The following PRKG1 variants were observed in gnomAD, a reference collection of about 807,000 sequenced individuals.
The protein encoded by PRKG1 is protein kinase cGMP-dependent 1, also known as cGMP-dependent protein kinase 1.
In PRKG1, 35 loss-of-function variants were observed where a neutral mutation model predicts 88.1. The ratio of observed to expected loss-of-function variants is 0.40; its 90% CI spans 0.30 to 0.53. The LOEUF (loss-of-function observed/expected upper bound fraction) is 0.53, where lower values mean the gene tolerates loss of function less well. Among genes scored for constraint, PRKG1 ranks in the 20% least tolerant of loss-of-function variants. The pLI is 0.59. For missense variants in PRKG1, 540 were observed against 839.8 expected (o/e 0.64, Z 4.41); for synonymous variants, 303 against 292.5 (o/e 1.04, Z -0.37).
chr10:51,698,505 C>T (rs1841369223), intron 3 of PRKG1: 1 of 1,614,144 alleles, frequency 6.2e-7, no homozygotes, highest in Non-Finnish European at 8.5e-7. Context: ...CTGGGCTCCA[C>T]TTCTCCAGTG....
intron 3 of PRKG1, among the ~76,000 whole-genome samples, chr10:51,579,270 C>CCACACCTGGCTGATTTTACT (rs1837970842): frequency 6.6e-6 from 1 of 150,612 alleles, no homozygotes; most frequent in Non-Finnish European, 1.5e-5. Flanking sequence ...GTGTGAGCCA[C>CCACACCTGGCTGATTTTACT]CACACCTGGC....
intron 9 of PRKG1, among the ~76,000 whole-genome samples, chr10:52,222,872 A>G (rs999248558): frequency 6.6e-6 from 1 of 152,176 alleles, no homozygotes; most frequent in African/African-American, 2.4e-5. Context: ...CCTTACCTTT[A>G]TATCATCCCA....
intron 4 of PRKG1, among the ~76,000 whole-genome samples, chr10:51,858,565 A>G (rs1377498490): frequency 6.7e-6 from 1 of 148,768 alleles, no homozygotes; most frequent in Non-Finnish European, 1.5e-5. Context: ...ATTCTAAAAA[A>G]AAAACCCTAT....
intron 2 of PRKG1, among the ~76,000 whole-genome samples, chr10:51,158,959 A>G (rs189781358): frequency 1.7e-3 from 265 of 152,176 alleles, no homozygotes; most frequent in Admixed American, 2.1e-3. Flanking sequence ...TTGTTATTGA[A>G]CTGAGACTTC....
chr10:51,097,086 T>C (rs75476508), intron 1 of PRKG1, among the ~76,000 whole-genome samples: 1 of 152,298 alleles, frequency 6.6e-6, no homozygotes, highest in East Asian at 1.9e-4. Flanking sequence ...AGCAGTCTGT[T>C]CCCTGGTATC....
chr10:52,087,941 G>A (rs1444268804), intron 7 of PRKG1, among the ~76,000 whole-genome samples: 1 of 152,138 alleles, frequency 6.6e-6, no homozygotes, highest in African/African-American at 2.4e-5. Flanking sequence ...AAAATTTCTT[G>A]AAACACTGAG....
intron 2 of PRKG1, among the ~76,000 whole-genome samples, chr10:51,176,975 AT>A (rs112002018): frequency 0.066 from 10,034 of 152,208 alleles, 694 homozygotes; most frequent in African/African-American, 0.17. Flanking sequence ...CAAATAAGTC[AT>A]TTTTTTAAGA....
chr10:51,371,312 A>G (rs897390440), intron 2 of PRKG1, among the ~76,000 whole-genome samples: 1 of 151,840 alleles, frequency 6.6e-6, no homozygotes, highest in African/African-American at 2.4e-5. Context: ...TGATCGGGGG[A>G]GGATTGCTTG....
Position 51,013,686 on chromosome 10 carries a change from G to A in PRKG1, c.266+22042G>A, listed in dbSNP as rs113073135. Among the ~76,000 whole-genome samples, 10 of 152,158 alleles carry A rather than the reference G, an allele frequency of 6.6e-5. No individual in the cohort carries two copies. In the East Asian group the frequency reaches 1.2e-3, roughly 18 times the overall value. On this transcript the variant is annotated intron_variant, in intron 1 of 17. Transcript: ENST00000401604. The stretch of plus-strand genomic sequence containing the variant: ...ATTACAGGTGTGAGCCACTGCGCCC[G>A]GCCCTGTAACACTTTTAAAAAAGAA...
At chr10:51,602,746 G>A (rs1199646196) in intron 3 of PRKG1, among the ~76,000 whole-genome samples, 1,181 of 106,426 alleles carry the variant, frequency 0.011, 35 homozygotes, top group African/African-American at 0.036. Context: ...GTGTGTGTGT[G>A]TGTGTGTGTG....
At chr10:51,125,372 A>T (rs551326173) in intron 1 of PRKG1, among the ~76,000 whole-genome samples, 1 of 150,874 alleles carries the variant, frequency 6.6e-6, no homozygotes, top group Admixed American at 6.6e-5. Flanking sequence ...AAAAAATTAT[A>T]AAGTATAAAT....
At chr10:51,400,661 G>C (rs1837712909) in intron 2 of PRKG1, among the ~76,000 whole-genome samples, 1 of 152,164 alleles carries the variant, frequency 6.6e-6, no homozygotes, top group Non-Finnish European at 1.5e-5. Flanking sequence ...GTGGAAGTGA[G>C]TGCGTTTCTG....
chr10:51,209,749 G>A (rs1375995563), intron 2 of PRKG1, among the ~76,000 whole-genome samples: 1 of 152,064 alleles, frequency 6.6e-6, no homozygotes, highest in Non-Finnish European at 1.5e-5. Flanking sequence ...AAAATTTGGG[G>A]CTAGTGCTAT....
At chr10:52,162,889 C>G (rs559878598) in intron 9 of PRKG1, among the ~76,000 whole-genome samples, 2 of 152,220 alleles carry the variant, frequency 1.3e-5, no homozygotes, top group Admixed American at 1.3e-4. Flanking sequence ...CCTGCAATGC[C>G]TCTGCTAAGG....
Position 52,054,531 on chromosome 10 carries a change from G to A in PRKG1, c.810G>A (p.Gly270=), listed in dbSNP as rs151055252. The part of the protein sequence containing the change: ...GEYIIRQGAR[G]DTFFIISKGT... The stretch of plus-strand genomic sequence containing the variant: ...ATATTATCAGGCAAGGTGCAAGAGG[G>A]GACACCTTCTTTATCATCAGCAAAG... The change falls in exon 6 of 18, where the codon GGG becomes GGA. Residue 270 remains glycine (G), a synonymous_variant. Transcript: ENST00000373980. 6.2e-7 allele frequency: 1 copy of A among 1,613,824 alleles called. No individual in the cohort carries two copies. Among genetic ancestry groups the A allele is most frequent in the Non-Finnish European group, 8.5e-7 (1 of 1,179,882 alleles).
At position 52,233,573 on chromosome 10, in the gene PRKG1, G is replaced by T. The variant is rs1411186876; in HGVS notation, c.1077-17997G>T. Among the ~76,000 whole-genome samples, 194 of 147,872 alleles carry T rather than the reference G, an allele frequency of 1.3e-3. 1 individual carries two copies. The highest frequency in any genetic ancestry group is 1.8e-3 in the Non-Finnish European group (121 of 66,758). On this transcript the variant is annotated intron_variant, in intron 9 of 17. Coordinates refer to ENST00000373980, the MANE Select transcript of PRKG1 (RefSeq NM_006258.4). ...GTGACGGACGCACCTGGAAAATCGG[G>T]TCACTCCCACCCGAATATTGCGCTT...
At chr10:51,633,861 G>T (rs1470048870) in intron 3 of PRKG1, among the ~76,000 whole-genome samples, 2 of 152,098 alleles carry the variant, frequency 1.3e-5, no homozygotes, top group Non-Finnish European at 2.9e-5. Flanking sequence ...TGGCCTATTG[G>T]TTGTCAACTG....
chr10:52,271,585 G>A (rs1250243847), intron 11 of PRKG1, 96 bp downstream of exon 11: 15 of 1,301,188 alleles, frequency 1.2e-5, no homozygotes, highest in Middle Eastern at 2.6e-4. Context: ...AACACATTTC[G>A]TATGCACAAA....
chr10:51,049,734 A>G (rs913295321), intron 1 of PRKG1, among the ~76,000 whole-genome samples: 5 of 152,196 alleles, frequency 3.3e-5, no homozygotes, highest in Admixed American at 2.6e-4. Context: ...TGACACCTTC[A>G]CAGGGTCTTA....
Sources: allele counts gnomAD v4.1 joint callset (sites outside exome capture counted in the v4.1 genomes callset), GRCh38; gene constraint gnomAD v4.1.1; transcripts MANE v1.5; gene names NCBI Gene and HGNC (gene_info 2026-07-23, HGNC 2026-07-21).